The following CTNNA3 variants were observed in gnomAD, a reference collection of about 807,000 sequenced individuals.
CTNNA3 encodes catenin alpha 3, also known as catenin alpha-3.
In CTNNA3, 76 loss-of-function variants were observed where a neutral mutation model predicts 95.7. The ratio of observed to expected loss-of-function variants is 0.79; its 90% CI spans 0.66 to 0.96. CTNNA3 has a LOEUF of 0.96. Ranked by LOEUF, CTNNA3 falls within the 40% of genes least tolerant of loss-of-function variation. CTNNA3 has a pLI of 0.00. For synonymous variants in CTNNA3, 431 were observed against 374.4 expected (o/e 1.15, Z -1.74); for missense variants, 1,191 against 1,089.8 (o/e 1.09, Z -1.31).
At chr10:67,398,326 A>C (rs1844793322) in intron 5 of CTNNA3, among the ~76,000 whole-genome samples, 1 of 152,252 alleles carries the variant, frequency 6.6e-6, no homozygotes, top group Non-Finnish European at 1.5e-5. Flanking sequence ...TGGAACTTTA[A>C]GGTTTAATGA....
At chr10:66,055,214 G>T (rs1265538654) in intron 15 of CTNNA3, among the ~76,000 whole-genome samples, 2 of 151,918 alleles carry the variant, frequency 1.3e-5, no homozygotes, top group African/African-American at 4.8e-5. Flanking sequence ...GGTCTTTTGT[G>T]GTTCCATATA....
chr10:66,288,758 A>G (rs1047663451), intron 12 of CTNNA3, among the ~76,000 whole-genome samples: 2 of 152,032 alleles, frequency 1.3e-5, no homozygotes, highest in African/African-American at 4.8e-5. Flanking sequence ...GCACTGGTTT[A>G]ATGTTGGATG....
At chr10:66,638,509 G>A (rs982750904) in intron 9 of CTNNA3, among the ~76,000 whole-genome samples, 16 of 151,978 alleles carry the variant, frequency 1.1e-4, no homozygotes, top group Non-Finnish European at 1.5e-5. Context: ...GATATTAATA[G>A]GCTTAATCTA....
Position 66,344,181 on chromosome 10 carries a change from C to T in CTNNA3, c.1732+34971G>A, listed in dbSNP as rs938648482. On this transcript the variant is annotated intron_variant, in intron 12 of 17. Coordinates refer to ENST00000433211, the MANE Select transcript of CTNNA3 (RefSeq NM_013266.4). Reference sequence around the variant, plus strand: ...GGCAGAGGTTGTAGTGAGCCGAGATCGCACCATTGCACTCCAGCCTGGGGG... The same window carrying T: ...GGCAGAGGTTGTAGTGAGCCGAGATTGCACCATTGCACTCCAGCCTGGGGG... Among the ~76,000 whole-genome samples the T allele has an allele frequency of 9.5e-5, 14 of 148,022 alleles. No individual in the cohort carries two copies. In the South Asian group the frequency reaches 2.0e-3, roughly 21 times the overall value.
intron 7 of CTNNA3, among the ~76,000 whole-genome samples, chr10:66,786,558 A>C (rs1840753967): frequency 6.6e-6 from 1 of 152,208 alleles, no homozygotes; most frequent in Non-Finnish European, 1.5e-5. Flanking sequence ...GACTGGCACA[A>C]AAGACTGAAG....
intron 7 of CTNNA3, among the ~76,000 whole-genome samples, chr10:66,786,193 CAAGCCTTGTTCATAGCTATAT>C (rs1840733210): frequency 6.6e-6 from 1 of 152,100 alleles, no homozygotes; most frequent in African/African-American, 2.4e-5. Flanking sequence ...TTGAGTCCCT[CAAGCCTTGTTCATAGCTATAT>C]AAATAGGCCC....
chr10:66,343,021 A>C (rs1403682527), intron 12 of CTNNA3, among the ~76,000 whole-genome samples: 1 of 152,108 alleles, frequency 6.6e-6, no homozygotes, highest in African/African-American at 2.4e-5. Flanking sequence ...AAGTTTAAGC[A>C]CTTTGCCTAA....
intron 9 of CTNNA3, among the ~76,000 whole-genome samples, chr10:66,665,542 T>C (rs1419477860): frequency 6.6e-6 from 1 of 152,168 alleles, no homozygotes; most frequent in African/African-American, 2.4e-5. Context: ...AACATAAATA[T>C]CTGAGAATCT....
intron 7 of CTNNA3, among the ~76,000 whole-genome samples, chr10:67,072,374 G>C (rs894380758): frequency 1.3e-5 from 2 of 152,032 alleles, no homozygotes; most frequent in Admixed American, 1.3e-4. Context: ...CTATGTATCT[G>C]CTTCAAATGT....
intron 7 of CTNNA3, among the ~76,000 whole-genome samples, chr10:66,787,036 T>C (rs191122271): frequency 6.6e-6 from 1 of 152,312 alleles, no homozygotes; most frequent in African/African-American, 2.4e-5. Flanking sequence ...CTAAGACTAA[T>C]TCCAAGTACA....
At chr10:67,698,349 C>G (rs545816662), upstream of CTNNA3, among the ~76,000 whole-genome samples, 113 of 147,740 alleles carry the variant, frequency 7.6e-4, no homozygotes, top group African/African-American at 2.6e-3. Flanking sequence ...GGACCGGCCC[C>G]AAACAAAGTC....
intron 1 of CTNNA3, among the ~76,000 whole-genome samples, chr10:67,749,894 A>T (rs186159695): frequency 9.8e-4 from 149 of 152,274 alleles, no homozygotes; most frequent in Admixed American, 8.5e-3. Flanking sequence ...TTTGAAAAAA[A>T]TTAATAAAAT....
At chr10:66,079,312 A>G (rs938962928) in intron 14 of CTNNA3, 1 of 151,976 alleles carries the variant, frequency 6.6e-6, no homozygotes, top group African/African-American at 2.4e-5. Flanking sequence ...TTTGGTTGGT[A>G]AGGTAAAGAT....
At chr10:67,498,274 T>G (rs1164225960) in intron 5 of CTNNA3, among the ~76,000 whole-genome samples, 1 of 152,224 alleles carries the variant, frequency 6.6e-6, no homozygotes, top group African/African-American at 2.4e-5. Context: ...AAGGCCTCTG[T>G]TCTGTTCCAT....
intron 5 of CTNNA3, among the ~76,000 whole-genome samples, chr10:67,284,785 A>C (rs1193410108): frequency 6.6e-6 from 1 of 152,248 alleles, no homozygotes; most frequent in South Asian, 2.1e-4. Flanking sequence ...GAATAAGCTT[A>C]TAGCATTCCC....
chr10:66,444,243 A>G lies in CTNNA3; in HGVS notation c.1532-64891T>C, dbSNP rs556797364. On this transcript the variant is annotated intron_variant, in intron 11 of 17. Transcript: ENST00000433211. ...GGGGAGAATAGAACCAAGTTGGAAA[A>G]CACTCTGCAGGATATTATCCAGGAG... Among the ~76,000 whole-genome samples, 6 of 152,278 alleles carry G rather than the reference A, an allele frequency of 3.9e-5. No homozygotes were observed. In the South Asian group the frequency reaches 1.2e-3, roughly 32 times the overall value.
chr10:66,991,442 T>A (rs1246142828), intron 7 of CTNNA3, among the ~76,000 whole-genome samples: 1 of 152,194 alleles, frequency 6.6e-6, no homozygotes, highest in African/African-American at 2.4e-5. Context: ...ACCATCATGT[T>A]TTATCTCTAT....
chr10:66,956,602 A>G (rs1439098338), intron 7 of CTNNA3, among the ~76,000 whole-genome samples: 1 of 152,198 alleles, frequency 6.6e-6, no homozygotes, highest in Non-Finnish European at 1.5e-5. Context: ...CAAAAAGTCA[A>G]TAGTCAAAAG....
intron 6 of CTNNA3, among the ~76,000 whole-genome samples, chr10:67,186,122 A>C (rs537468314): frequency 6.6e-6 from 1 of 152,190 alleles, no homozygotes; most frequent in Admixed American, 6.5e-5. Context: ...AGGCAATAGA[A>C]TTGCTCTTTA....
Sources: allele counts gnomAD v4.1 joint callset (sites outside exome capture counted in the v4.1 genomes callset), GRCh38; gene constraint gnomAD v4.1.1; transcripts MANE v1.5; gene names NCBI Gene and HGNC (gene_info 2026-07-23, HGNC 2026-07-21).